Variants in NUGGC observed in about 807,000 individuals in gnomAD.
NUGGC encodes nuclear GTPase, germinal center associated, also known as nuclear GTPase SLIP-GC.
NUGGC carries 58 observed loss-of-function variants against 92.6 expected under a neutral mutation model. The ratio of observed to expected loss-of-function variants is 0.63; its 90% CI spans 0.51 to 0.78. The LOEUF is 0.78. Ranked by LOEUF, NUGGC falls within the 30% of genes least tolerant of loss-of-function variation. NUGGC has a pLI of 0.00. For synonymous variants in NUGGC, 376 were observed against 366.4 expected (o/e 1.03, Z -0.30); for missense variants, 925 against 964.6 (o/e 0.96, Z 0.54).
At position 28,033,534 on chromosome 8, in the gene NUGGC, C is replaced by G. The variant is rs1220414521; in HGVS notation, c.1769+6G>C. On this transcript the variant is annotated splice_donor_region_variant and intron_variant, in intron 14 of 18. Transcript: ENST00000413272. ...TCCCGAAGGTGCAAGATGAGAGATCCTTTACCTAAAAATGCTTCCAAAAAC... is the reference window on the plus strand; with the variant it reads ...TCCCGAAGGTGCAAGATGAGAGATCGTTTACCTAAAAATGCTTCCAAAAAC... The G allele has an allele frequency of 1.2e-6, 2 of 1,612,022 alleles. No homozygotes were observed. Among genetic ancestry groups the G allele is most frequent in the East Asian group, 4.5e-5 (2 of 44,856 alleles).
rs1214113157 is a variant in NUGGC, at chr8:28,060,448, G to A, written c.1075C>T (p.Leu359Phe). 3 of 1,613,830 alleles carry A rather than the reference G, an allele frequency of 1.9e-6. No homozygotes were observed. The highest frequency in any genetic ancestry group is 2.5e-6 in the Non-Finnish European group (3 of 1,179,820). Residue 359 changes from leucine (L) to phenylalanine (F), a missense_variant, in exon 8 of 19, where the codon CTC becomes TTC. Coordinates refer to ENST00000413272, the MANE Select transcript of NUGGC (RefSeq NM_001010906.2). ...VALVVTKMDKLHLPEYLRERK... is the reference protein window; with the variant it reads ...VALVVTKMDKFHLPEYLRERK... ...TACCTTAGGTATTCTGGCAAGTGGA[G>A]TTTGTCCATCTTGGTGACCACCAGG...
chr8:28,051,929 C>A (rs200228673), intron 10 of NUGGC, among the ~76,000 whole-genome samples: 194 of 148,180 alleles, frequency 1.3e-3, no homozygotes, highest in Middle Eastern at 6.8e-3. Context: ...CAAAACAAAA[C>A]AAAACAAAAA....
At chr8:28,061,584 A>C (rs1460556480) in intron 7 of NUGGC, among the ~76,000 whole-genome samples, 4 of 152,208 alleles carry the variant, frequency 2.6e-5, no homozygotes, top group Admixed American at 6.5e-5. Context: ...AACAGTCTCC[A>C]ATTTGTGATG....
At chr8:28,028,504 C>T (rs11990151) in intron 17 of NUGGC, among the ~76,000 whole-genome samples, 62,739 of 152,028 alleles carry the variant, frequency 0.41, 13,536 homozygotes, top group Middle Eastern at 0.5. Flanking sequence ...GCCAGCTTCC[C>T]TGAGGGCTTG....
chr8:28,082,922 C>CCAAAATT (rs1341508593), intron 1 of NUGGC, among the ~76,000 whole-genome samples: 2 of 152,086 alleles, frequency 1.3e-5, no homozygotes, highest in Non-Finnish European at 2.9e-5. Context: ...AACCAAACCC[C>CCAAAATT]CAAAATTCAC....
At chr8:28,081,902 T>A (rs1810860334) in intron 1 of NUGGC, among the ~76,000 whole-genome samples, 1 of 150,090 alleles carries the variant, frequency 6.7e-6, no homozygotes, top group Non-Finnish European at 1.5e-5. Context: ...CAATCTTTGG[T>A]CAAGTTTTTT....
chr8:28,066,367 G>C (rs561154113), intron 6 of NUGGC, among the ~76,000 whole-genome samples: 2 of 152,290 alleles, frequency 1.3e-5, no homozygotes, highest in Non-Finnish European at 2.9e-5. Context: ...TGATTTTTAA[G>C]TGTGCCTAGT....
chr8:28,078,125 A>T (rs1810767167), intron 1 of NUGGC, among the ~76,000 whole-genome samples: 1 of 152,244 alleles, frequency 6.6e-6, no homozygotes, highest in African/African-American at 2.4e-5. Flanking sequence ...AAACCACACA[A>T]CTTCCTCCGT....
chr8:28,058,245 AG>A lies in NUGGC; in HGVS notation c.1116+12del. 1 of 487,964 alleles carries A rather than the reference AG, an allele frequency of 2.0e-6. No homozygotes were observed. The highest frequency in any genetic ancestry group is 3.2e-6 in the Non-Finnish European group (1 of 311,468). 30.2% of individuals were successfully genotyped at this position (487,964 alleles called of 1,614,324 possible). On this transcript the variant is annotated intron_variant, in intron 9 of 18. Coordinates refer to ENST00000413272, the MANE Select transcript of NUGGC (RefSeq NM_001010906.2). ...TTTAAAAATAAAAATAAAAAAAACT[AG>A]TTCATACTTACATTTCCTGCCTTTC...
rs115911441 is a variant in NUGGC, at chr8:28,061,740, C to A, written c.922-1139G>T. Among the ~76,000 whole-genome samples the A allele has an allele frequency of 5.1e-3, 772 of 152,256 alleles. 7 individuals are homozygous for A. Among genetic ancestry groups the A allele is most frequent in the African/African-American group, 0.018 (752 of 41,542 alleles). ...AATTCTATGGTACATCAATGAGCATCTGTATTTGGCAAAAAATGTCTGGAG... is the reference window on the plus strand; with the variant it reads ...AATTCTATGGTACATCAATGAGCATATGTATTTGGCAAAAAATGTCTGGAG... On this transcript the variant is annotated intron_variant, in intron 7 of 18. Coordinates refer to ENST00000413272, the MANE Select transcript of NUGGC (RefSeq NM_001010906.2).
intron 8 of NUGGC, chr8:28,060,194 G>A (rs1810261820): frequency 1.5e-6 from 1 of 649,744 alleles, no homozygotes; most frequent in East Asian, 3.1e-5. Context: ...GCTGTGTAGG[G>A]GACACCAGCT....
intron 10 of NUGGC, among the ~76,000 whole-genome samples, chr8:28,052,489 G>A (rs749896171): frequency 1.9e-4 from 29 of 152,126 alleles, no homozygotes; most frequent in Non-Finnish European, 3.5e-4. Context: ...TTAAAAAAAG[G>A]GGAAATTTGG....
chr8:28,063,171 G>T (rs1003205566), intron 7 of NUGGC, among the ~76,000 whole-genome samples: 2 of 152,164 alleles, frequency 1.3e-5, no homozygotes, highest in African/African-American at 2.4e-5. Context: ...TGCAGAGGGG[G>T]GTCTTGAGTA....
intron 6 of NUGGC, among the ~76,000 whole-genome samples, chr8:28,065,094 A>C (rs1013348062): frequency 6.6e-6 from 1 of 152,146 alleles, no homozygotes; most frequent in Non-Finnish European, 1.5e-5. Flanking sequence ...GACTATAGAA[A>C]ATTAACAGTG....
In NUGGC at chr8:28,083,877, C is replaced by T. The variant is rs1249251438; in HGVS notation, c.-149G>A. 1.3e-5 allele frequency: 2 copies of T among 152,074 alleles called. No individual in the cohort carries two copies. Among genetic ancestry groups the T allele is most frequent in the African/African-American group, 4.8e-5 (2 of 41,406 alleles). The allele number at this position is 152,074 out of a possible 1,614,324, so 9.4% of individuals were successfully genotyped here. On this transcript the variant is annotated 5_prime_UTR_variant, in exon 1 of 19. Coordinates refer to ENST00000413272, the MANE Select transcript of NUGGC (RefSeq NM_001010906.2). The stretch of plus-strand genomic sequence containing the variant: ...TCTCCTTGGTTCAGGTATTTGGAAC[C>T]AGCTGGGGTACGTAGCCCTTTGGGC...
At chr8:28,050,727 C>T (rs1208027406) in intron 10 of NUGGC, among the ~76,000 whole-genome samples, 1 of 151,880 alleles carries the variant, frequency 6.6e-6, no homozygotes, top group Non-Finnish European at 1.5e-5. Context: ...AGGAGAATCA[C>T]TTGAACCCAG....
At chr8:28,030,096 G>A (rs1289746977) in intron 16 of NUGGC, among the ~76,000 whole-genome samples, 4 of 152,184 alleles carry the variant, frequency 2.6e-5, no homozygotes, top group African/African-American at 9.7e-5. Context: ...AAAGCAGGGT[G>A]TCTGGACCAA....
At chr8:28,038,713 T>C (rs1158874686) in intron 13 of NUGGC, among the ~76,000 whole-genome samples, 1 of 152,182 alleles carries the variant, frequency 6.6e-6, no homozygotes, top group East Asian at 1.9e-4. Context: ...ATATAACTGG[T>C]TGGCAAATAC....
intron 7 of NUGGC, among the ~76,000 whole-genome samples, chr8:28,063,053 T>G (rs977982223): frequency 1.3e-5 from 2 of 151,726 alleles, no homozygotes; most frequent in Non-Finnish European, 2.9e-5. Flanking sequence ...GTCACGTGAC[T>G]TCTAAGTGGC....
Sources: gnomAD v4.1 joint callset for allele counts (sites outside exome capture counted in the v4.1 genomes callset) on GRCh38, gnomAD v4.1.1 for gene constraint, MANE v1.5 for transcripts, NCBI Gene and HGNC (gene_info 2026-07-23, HGNC 2026-07-21) for gene names.